Variants in NAALADL2 observed in about 807,000 individuals in gnomAD.
NAALADL2 encodes inactive N-acetylated-alpha-linked acidic dipeptidase-like protein 2.
In NAALADL2, 76 loss-of-function variants were observed where a neutral mutation model predicts 87.2. The observed-to-expected ratio is 0.87, with a 90% CI of 0.72 to 1.05. The LOEUF is 1.05. NAALADL2 is among the 50% of genes least tolerant of loss of function. NAALADL2 has a pLI of 0.00. For missense variants in NAALADL2, 1,089 were observed against 945.8 expected (o/e 1.15, Z -1.99); for synonymous variants, 354 against 331.0 (o/e 1.07, Z -0.75).
At chr3:175,212,784 G>A (rs1240422682) in intron 2 of NAALADL2, among the ~76,000 whole-genome samples, 1 of 152,062 alleles carries the variant, frequency 6.6e-6, no homozygotes, top group Non-Finnish European at 1.5e-5. Context: ...TTTTTACCTA[G>A]ACTTAAAGAA....
chr3:174,898,776 CTG>C (rs1045322394), intron 1 of NAALADL2, among the ~76,000 whole-genome samples: 1 of 145,578 alleles, frequency 6.9e-6, no homozygotes, highest in Non-Finnish European at 1.5e-5. Flanking sequence ...TAAAACTAAA[CTG>C]TATTTTTTGG....
chr3:175,302,491 G>T (rs752353898), intron 4 of NAALADL2, among the ~76,000 whole-genome samples: 3 of 152,032 alleles, frequency 2.0e-5, no homozygotes, highest in Non-Finnish European at 2.9e-5. Flanking sequence ...GTTAATATAT[G>T]CTTTCTTCGA....
intron 2 of NAALADL2, among the ~76,000 whole-genome samples, chr3:174,728,374 T>A (rs1169940171): frequency 6.6e-6 from 1 of 151,972 alleles, no homozygotes; most frequent in African/African-American, 2.4e-5. Context: ...GCACTGATAG[T>A]TGGAAGGAAT....
At chr3:174,592,245 T>TTTTTA (rs10662432) in intron 2 of NAALADL2, among the ~76,000 whole-genome samples, 76,893 of 151,316 alleles carry the variant, frequency 0.51, 21,966 homozygotes, top group East Asian at 0.81. Context: ...AATTTTTCTT[T>TTTTTA]TTTTATTTTG....
intron 2 of NAALADL2, among the ~76,000 whole-genome samples, chr3:175,165,518 C>T (rs141098004): frequency 6.6e-6 from 1 of 152,114 alleles, no homozygotes; most frequent in Non-Finnish European, 1.5e-5. Context: ...CTTACACTTA[C>T]ATTTGTGTAT....
chr3:175,296,233 A>G (rs1182913591), intron 4 of NAALADL2, among the ~76,000 whole-genome samples: 1 of 152,146 alleles, frequency 6.6e-6, no homozygotes, highest in Non-Finnish European at 1.5e-5. Flanking sequence ...TACATGTGTT[A>G]AAGTAAATGG....
chr3:174,807,995 T>C (rs1023016129), intron 3 of NAALADL2, among the ~76,000 whole-genome samples: 3 of 152,022 alleles, frequency 2.0e-5, no homozygotes, highest in Non-Finnish European at 4.4e-5. Flanking sequence ...ATATTTTGTT[T>C]GCTAAAGATA....
At chr3:175,725,880 G>T (rs1397158822) in intron 11 of NAALADL2, among the ~76,000 whole-genome samples, 1 of 152,120 alleles carries the variant, frequency 6.6e-6, no homozygotes, top group Non-Finnish European at 1.5e-5. Context: ...ACAAATGTTA[G>T]CTGCTGTTAT....
At chr3:175,781,577 T>G (rs1223242014) in intron 13 of NAALADL2, among the ~76,000 whole-genome samples, 1 of 151,706 alleles carries the variant, frequency 6.6e-6, no homozygotes, top group East Asian at 1.9e-4. Flanking sequence ...TAGAGTGTGC[T>G]CCTACTTATA....
chr3:174,492,682 G>T (rs1267769737), intron 1 of NAALADL2, among the ~76,000 whole-genome samples: 6 of 152,174 alleles, frequency 3.9e-5, no homozygotes, highest in African/African-American at 1.2e-4. Context: ...GCAACAGAAT[G>T]TATATTAATT....
At chr3:175,082,048 A>ATGTGTGTG (rs146559489) in intron 1 of NAALADL2, among the ~76,000 whole-genome samples, 1 of 150,810 alleles carries the variant, frequency 6.6e-6, no homozygotes, top group East Asian at 2.0e-4. Flanking sequence ...GTGTATGTGT[A>ATGTGTGTG]TGTGTGTGTG....
At position 174,872,035 on chromosome 3, in the gene NAALADL2, G is replaced by A. The variant is rs139300012; in HGVS notation, c.43+12585G>A. ...CAGGAAATCTTTTTTGAAATTACAG[G>A]CTTTAAGGTTCTTCAAAGCTTATAT... On this transcript the variant is annotated intron_variant, in intron 1 of 13. Transcript: ENST00000454872. Among the ~76,000 whole-genome samples, 254 of 152,186 alleles carry A rather than the reference G, an allele frequency of 1.7e-3. 1 individual carries two copies. Among genetic ancestry groups the A allele is most frequent in the African/African-American group, 5.6e-3 (232 of 41,520 alleles).
chr3:174,562,217 T>TA (rs1451798255), intron 2 of NAALADL2, among the ~76,000 whole-genome samples: 2 of 152,192 alleles, frequency 1.3e-5, no homozygotes, highest in African/African-American at 4.8e-5. Context: ...TTAGGCATTA[T>TA]AGGAAGAAGG....
chr3:175,536,069 A>G (rs1458262430), intron 9 of NAALADL2, among the ~76,000 whole-genome samples: 2 of 152,202 alleles, frequency 1.3e-5, no homozygotes, highest in African/African-American at 4.8e-5. Flanking sequence ...CCATCTGCAC[A>G]TGGGCTTTCA....
At chr3:174,623,633 C>T (rs917073562) in intron 2 of NAALADL2, among the ~76,000 whole-genome samples, 1 of 143,962 alleles carries the variant, frequency 6.9e-6, no homozygotes, top group Non-Finnish European at 1.6e-5. Flanking sequence ...ATCTGCAAAA[C>T]ATTTTGCAAT....
intron 3 of NAALADL2, among the ~76,000 whole-genome samples, chr3:174,840,603 A>C (rs932468224): frequency 6.6e-6 from 1 of 152,112 alleles, no homozygotes; most frequent in Non-Finnish European, 1.5e-5. Flanking sequence ...TGAGCTCCTC[A>C]TTGCCCAAGG....
intron 3 of NAALADL2, among the ~76,000 whole-genome samples, chr3:174,743,669 T>C (rs74818573): frequency 1.3e-5 from 2 of 151,778 alleles, no homozygotes; most frequent in Admixed American, 1.3e-4. Flanking sequence ...TTATCCTCAA[T>C]GTATTTCCAA....
intron 11 of NAALADL2, among the ~76,000 whole-genome samples, chr3:175,637,324 C>T (rs1409275706): frequency 2.0e-5 from 3 of 152,202 alleles, no homozygotes; most frequent in African/African-American, 7.2e-5. Context: ...AAGAGCTTCT[C>T]TGAAGCCAAA....
In NAALADL2 at chr3:174,729,852, C is replaced by T. The variant is rs187918902; in HGVS notation, c.-114-7789C>T. ...CATTATTTTTTAATGTGTGTGAAAT[C>T]ATGGCAATTAGATATGCAAAAGATG... On this transcript the variant is annotated intron_variant, in intron 2 of 3. Coordinates refer to the NAALADL2 transcript ENST00000434257. 6.0e-3 allele frequency among the ~76,000 whole-genome samples: 919 copies of T among 151,950 alleles called. 4 individuals are homozygous for T. The highest frequency in any genetic ancestry group is 0.017 in the Middle Eastern group (5 of 294).
Sources: gnomAD v4.1 joint callset for allele counts (sites outside exome capture counted in the v4.1 genomes callset) on GRCh38, gnomAD v4.1.1 for gene constraint, MANE v1.5 for transcripts, NCBI Gene and HGNC (gene_info 2026-07-23, HGNC 2026-07-21) for gene names.